ZFP62: variants seen among roughly 807,000 people sequenced by gnomAD.
ZFP62 encodes zinc finger protein 62 homolog.
ZFP62 carries 44 observed loss-of-function variants against 56.4 expected under a neutral mutation model. That is an observed-to-expected ratio of 0.78 (90% CI 0.61 to 1.00). ZFP62 has a LOEUF of 1.00. ZFP62 is among the 50% of genes least tolerant of loss of function. The pLI, the probability that ZFP62 is intolerant of heterozygous loss-of-function variation, is 0.00. For missense variants in ZFP62, 1,030 were observed against 1,085.7 expected, an observed-to-expected ratio of 0.95 and a Z score of 0.72; for synonymous variants, 421 against 388.9, an observed-to-expected ratio of 1.08 and a Z score of -0.97.
the ZFP62 span, among the ~76,000 whole-genome samples, chr5:180,842,331 A>G: frequency 6.6e-6 from 1 of 152,234 alleles, no homozygotes; most frequent in African/African-American, 2.4e-5. Flanking sequence ...ACAATGGCTG[A>G]GAATTTACCA....
chr5:180,854,094 T>C (rs552900361), intron 1 of ZFP62, among the ~76,000 whole-genome samples: 1 of 152,328 alleles, frequency 6.6e-6, no homozygotes, highest in African/African-American at 2.4e-5. Flanking sequence ...AATGAGCACA[T>C]CTAGTACCCC....
chr5:180,854,791 G>A (rs1422344669), intron 1 of ZFP62, among the ~76,000 whole-genome samples: 1 of 152,150 alleles, frequency 6.6e-6, no homozygotes, highest in East Asian at 1.9e-4. Flanking sequence ...GAAGAGGGGG[G>A]ACTGTATTTT....
chr5:180,845,371 A>C (rs970883118), downstream of ZFP62, among the ~76,000 whole-genome samples: 2 of 142,942 alleles, frequency 1.4e-5, no homozygotes, highest in African/African-American at 2.6e-5. Flanking sequence ...AAGACACGTG[A>C]GGACACACAA....
At chr5:180,845,448 G>A (rs1373282469), downstream of ZFP62, among the ~76,000 whole-genome samples, 1 of 147,414 alleles carries the variant, frequency 6.8e-6, no homozygotes, top group Non-Finnish European at 1.5e-5. Context: ...AGGCTTCCTT[G>A]TGGAGACCAT....
intron 1 of ZFP62, among the ~76,000 whole-genome samples, chr5:180,858,106 A>G (rs192421736): frequency 0.014 from 2,088 of 149,134 alleles, 27 homozygotes; most frequent in East Asian, 0.022. Flanking sequence ...AAAAAAAAAA[A>G]ATTAGCTGGG....
intron 1 of ZFP62, among the ~76,000 whole-genome samples, chr5:180,858,257 C>CAAAAAAAAAAA (rs1159409435): frequency 2.0e-4 from 8 of 40,236 alleles, no homozygotes; most frequent in African/African-American, 2.4e-4. Flanking sequence ...AACTCTGTCT[C>CAAAAAAAAAAA]AAAAAAAAAA....
the ZFP62 span, among the ~76,000 whole-genome samples, chr5:180,837,841 T>C: frequency 6.6e-6 from 1 of 152,146 alleles, no homozygotes; most frequent in Non-Finnish European, 1.5e-5. Context: ...GTCTGGCTTC[T>C]CTTGAAGGGA....
chr5:180,857,293 G>T (rs1297497254), intron 1 of ZFP62, among the ~76,000 whole-genome samples: 3 of 151,050 alleles, frequency 2.0e-5, no homozygotes, highest in South Asian at 2.1e-4. Context: ...TATATTTTAG[G>T]CTTTGTGGGC....
chr5:180,852,066 T>C, intron 1 of ZFP62: 1 of 967,186 alleles, frequency 1.0e-6, no homozygotes, highest in Non-Finnish European at 1.2e-6. Flanking sequence ...GCAACCTGCA[T>C]ATTAAAATAT....
At chr5:180,828,849 T>C in the ZFP62 span, among the ~76,000 whole-genome samples, 2 of 152,230 alleles carry the variant, frequency 1.3e-5, no homozygotes, top group African/African-American at 2.4e-5. Context: ...AAGATATTGC[T>C]GAATTCTTTT....
Position 180,851,303 on chromosome 5 carries a change from GTCC to G in ZFP62, c.189_191del (p.Glu63del). 18 of 1,551,562 alleles carry G rather than the reference GTCC, an allele frequency of 1.2e-5. No individual in the cohort carries two copies. The highest frequency in any genetic ancestry group is 1.6e-5 in the Non-Finnish European group (18 of 1,146,980). Reference sequence around the variant, plus strand: ...TGATTGCTTCCCTGATGCTGCTTTTGTCCTCCTTCATCCTGTTTTCCACAGGCT... The same window carrying G: ...TGATTGCTTCCCTGATGCTGCTTTTGTCCTTCATCCTGTTTTCCACAGGCT... On this transcript the variant is annotated inframe_deletion, in exon 2 of 2. Coordinates refer to ENST00000502412, the MANE Select transcript of ZFP62 (RefSeq NM_001172638.2).
At chr5:180,858,431 C>T (rs1165075941) in intron 1 of ZFP62, among the ~76,000 whole-genome samples, 3 of 151,848 alleles carry the variant, frequency 2.0e-5, no homozygotes, top group Non-Finnish European at 4.4e-5. Context: ...GAGGTGAATC[C>T]ATCTCTACTA....
At chr5:180,840,789 TTGTGTG>T in the ZFP62 span, among the ~76,000 whole-genome samples, 391 of 146,520 alleles carry the variant, frequency 2.7e-3, 2 homozygotes, top group African/African-American at 6.6e-3. Flanking sequence ...CTAAAACAAT[TTGTGTG>T]TGTGTGTGTG....
At chr5:180,844,578 G>A (rs561682395), downstream of ZFP62, among the ~76,000 whole-genome samples, 9 of 152,346 alleles carry the variant, frequency 5.9e-5, no homozygotes, top group South Asian at 2.1e-4. Context: ...CCATGTGAGT[G>A]AGCAGGCTGC....
At chr5:180,828,463 G>A in the ZFP62 span, among the ~76,000 whole-genome samples, 1 of 152,184 alleles carries the variant, frequency 6.6e-6, no homozygotes, top group Non-Finnish European at 1.5e-5. Flanking sequence ...CGAATGGAAG[G>A]ACCAGCTGGA....
chr5:180,853,745 A>G (rs1043301139), intron 1 of ZFP62, among the ~76,000 whole-genome samples: 18 of 152,300 alleles, frequency 1.2e-4, no homozygotes, highest in African/African-American at 3.8e-4. Flanking sequence ...CAGTGGGAAG[A>G]GGTACAAATA....
At chr5:180,851,850 CAA>C in intron 1 of ZFP62, 1 of 257,326 alleles carries the variant, frequency 3.9e-6, no homozygotes, top group South Asian at 1.4e-4. Flanking sequence ...GAAAAACAAA[CAA>C]GAGGGCAGAA....
chr5:180,844,603 C>A (rs564550098), downstream of ZFP62, among the ~76,000 whole-genome samples: 1 of 152,288 alleles, frequency 6.6e-6, no homozygotes, highest in East Asian at 1.9e-4. Context: ...GCCAGAAAGG[C>A]AAGCGTGAGG....
chr5:180,844,032 TTTGA>T (rs1424646632), downstream of ZFP62, among the ~76,000 whole-genome samples: 112 of 152,372 alleles, frequency 7.4e-4, no homozygotes, highest in African/African-American at 2.5e-3. Context: ...CATTCCTGAC[TTTGA>T]TTATTTGTGC....
Sources: gnomAD v4.1 joint callset for allele counts (sites outside exome capture counted in the v4.1 genomes callset) on GRCh38, gnomAD v4.1.1 for gene constraint, MANE v1.5 for transcripts, NCBI Gene and HGNC (gene_info 2026-07-23, HGNC 2026-07-21) for gene names.